LYN: variants seen among roughly 807,000 people sequenced by gnomAD.
The protein encoded by LYN is LYN proto-oncogene, Src family tyrosine kinase, also known as tyrosine-protein kinase Lyn.
Under a neutral mutation model 65.0 loss-of-function variants are expected in LYN, and 12 were observed. The ratio of observed to expected loss-of-function variants is 0.18; its 90% CI spans 0.12 to 0.30. LYN has a LOEUF of 0.30. Among genes scored for constraint, LYN ranks in the 10% least tolerant of loss-of-function variants. The pLI, the probability that LYN is intolerant of heterozygous loss-of-function variation, is 1.00. For synonymous variants in LYN, 222 were observed against 221.2 expected (o/e 1.00, Z -0.03); for missense variants, 380 against 623.2 (o/e 0.61, Z 4.16).
intron 1 of LYN, among the ~76,000 whole-genome samples, chr8:55,889,677 C>T (rs1440630407): frequency 6.6e-6 from 1 of 152,062 alleles, no homozygotes; most frequent in South Asian, 2.1e-4. Flanking sequence ...TGTGGGTGGG[C>T]GACTTGCTCA....
chr8:55,929,982 C>G (rs1397233310), intron 1 of LYN, among the ~76,000 whole-genome samples: 1 of 152,230 alleles, frequency 6.6e-6, no homozygotes, highest in East Asian at 1.9e-4. Flanking sequence ...TGCCTGAACT[C>G]TGTCTCCTGT....
rs368937087 is a variant in LYN, at chr8:55,983,463, C to G, written c.1050+13670C>G. Among the ~76,000 whole-genome samples, 102 of 152,302 alleles carry G rather than the reference C, an allele frequency of 6.7e-4. 1 individual carries two copies. Among genetic ancestry groups the G allele is most frequent in the African/African-American group, 2.4e-3 (98 of 41,552 alleles). ...CTACATCCCTCTCCAGCTACCTCAG[C>G]CTCCAGGTGTCTCCTCCCCCTGACA... On this transcript the variant is annotated intron_variant, in intron 10 of 12. Transcript: ENST00000519728.
chr8:56,003,305 C>T (rs1029270247), intron 12 of LYN, among the ~76,000 whole-genome samples: 7 of 152,112 alleles, frequency 4.6e-5, no homozygotes, highest in African/African-American at 1.4e-4. Context: ...TTGGGATCCT[C>T]CCGCCTTGGC....
At chr8:55,930,111 C>G (rs561897303) in intron 1 of LYN, among the ~76,000 whole-genome samples, 22 of 152,312 alleles carry the variant, frequency 1.4e-4, no homozygotes, top group African/African-American at 4.8e-4. Context: ...CACCACCCCC[C>G]ACCTGACCCC....
rs1210224114 is a variant in LYN, at chr8:56,011,648, T to C, written c.*1538T>C. 1 of 194,424 alleles carries C rather than the reference T, an allele frequency of 5.1e-6. No individual in the cohort carries two copies. Among genetic ancestry groups the C allele is most frequent in the Non-Finnish European group, 1.1e-5 (1 of 93,516 alleles). 12.0% of individuals were successfully genotyped at this position (194,424 alleles called of 1,614,324 possible). ...CATTAAAATTTCATTCTGTGTGTTT[T>C]GTTTAGGCTTGAGGTGCTTAGAAGA... On this transcript the variant is annotated 3_prime_UTR_variant, in exon 13 of 13. Coordinates refer to ENST00000519728, the MANE Select transcript of LYN (RefSeq NM_002350.4).
intron 1 of LYN, among the ~76,000 whole-genome samples, chr8:55,917,464 A>G (rs547355470): frequency 6.6e-6 from 1 of 152,352 alleles, no homozygotes; most frequent in East Asian, 1.9e-4. Flanking sequence ...GATTATAGGC[A>G]TGAACCACCA....
intron 1 of LYN, among the ~76,000 whole-genome samples, chr8:55,898,363 A>G (rs1805176519): frequency 6.6e-6 from 1 of 151,932 alleles, no homozygotes; most frequent in Non-Finnish European, 1.5e-5. Flanking sequence ...CTCTTGGCTC[A>G]CTGCAACCTC....
intron 10 of LYN, among the ~76,000 whole-genome samples, chr8:55,995,620 C>T (rs1808352500): frequency 6.6e-6 from 1 of 152,112 alleles, no homozygotes; most frequent in Non-Finnish European, 1.5e-5. Context: ...AGAGGGTATG[C>T]CAGGCATGGC....
chr8:55,939,606 G>A (rs1416795931), intron 1 of LYN, among the ~76,000 whole-genome samples: 3 of 152,222 alleles, frequency 2.0e-5, no homozygotes, highest in Non-Finnish European at 4.4e-5. Flanking sequence ...TGCTGGGAGG[G>A]AGCTGGATCG....
At chr8:55,896,950 G>C (rs921754562) in intron 1 of LYN, among the ~76,000 whole-genome samples, 3 of 152,166 alleles carry the variant, frequency 2.0e-5, no homozygotes, top group African/African-American at 4.8e-5. Flanking sequence ...ATGTTGGCCA[G>C]GTTAATCTCA....
intron 2 of LYN, 61 bp from the exon 3 acceptor site, chr8:55,946,387 C>T: frequency 9.5e-7 from 1 of 1,056,250 alleles, no homozygotes; most frequent in Non-Finnish European, 1.5e-6. Context: ...ATATATACAA[C>T]ACGAATGTGA....
At chr8:55,998,287 A>G in intron 10 of LYN, 59 bp from the exon 11 acceptor site, 1 of 1,404,528 alleles carries the variant, frequency 7.1e-7, no homozygotes, top group Non-Finnish European at 1.0e-6. Flanking sequence ...GTTTTCCTTG[A>G]TGGCACTTTC....
chr8:55,952,008 G>T lies in LYN; in HGVS notation c.530G>T (p.Gly177Val). Residue 177 changes from glycine to valine, a missense_variant, in exon 7 of 13, where the codon GGT becomes GTT. Gly to Val is a moderately radical substitution (Grantham distance 109). Coordinates refer to ENST00000519728, the MANE Select transcript of LYN (RefSeq NM_002350.4). Reference sequence around the variant, plus strand: ...GTCAGAGACTTTGACCCTGTGCATGGTGATGTTATTAAGCACTACAAAATT... The same window carrying T: ...GTCAGAGACTTTGACCCTGTGCATGTTGATGTTATTAAGCACTACAAAATT... ...LSVRDFDPVH[G>V]DVIKHYKIRS... 1.2e-6 allele frequency: 2 copies of T among 1,612,176 alleles called. No homozygotes were observed. The highest frequency in any genetic ancestry group is 1.3e-5 in the African/African-American group (1 of 74,886).
chr8:55,944,015 G>A (rs1806702288), intron 2 of LYN, among the ~76,000 whole-genome samples: 1 of 152,024 alleles, frequency 6.6e-6, no homozygotes, highest in African/African-American at 2.4e-5. Context: ...CCAGGACCCG[G>A]GAGGGAGAGG....
At chr8:55,885,963 G>A (rs578129135) in intron 1 of LYN, among the ~76,000 whole-genome samples, 4 of 152,110 alleles carry the variant, frequency 2.6e-5, no homozygotes, top group South Asian at 4.1e-4. Context: ...GGGGTGGGGC[G>A]GGGTGGGAGA....
intron 1 of LYN, among the ~76,000 whole-genome samples, chr8:55,921,380 G>A (rs955546998): frequency 2.0e-5 from 3 of 152,192 alleles, no homozygotes; most frequent in Non-Finnish European, 4.4e-5. Flanking sequence ...ACAGTCTATC[G>A]AGGAGAGAGC....
At chr8:55,915,812 A>G (rs1349804253) in intron 1 of LYN, among the ~76,000 whole-genome samples, 1 of 152,116 alleles carries the variant, frequency 6.6e-6, no homozygotes, top group African/African-American at 2.4e-5. Context: ...AAAGAGAGAG[A>G]GAAGAGAGAA....
At chr8:55,935,438 A>C (rs1313630158) in intron 1 of LYN, among the ~76,000 whole-genome samples, 2 of 152,144 alleles carry the variant, frequency 1.3e-5, no homozygotes, top group African/African-American at 4.8e-5. Context: ...TGTTTAAATA[A>C]AGACGGTCTG....
intron 4 of LYN, among the ~76,000 whole-genome samples, chr8:55,948,673 C>T (rs1212692531): frequency 3.3e-5 from 5 of 152,140 alleles, no homozygotes; most frequent in Non-Finnish European, 7.4e-5. Flanking sequence ...GGGGAGACTC[C>T]CTTATTAAGG....
Sources: gnomAD v4.1 joint callset for allele counts (sites outside exome capture counted in the v4.1 genomes callset) on GRCh38, gnomAD v4.1.1 for gene constraint, MANE v1.5 for transcripts, NCBI Gene and HGNC (gene_info 2026-07-23, HGNC 2026-07-21) for gene names.